VPS45: variants seen among roughly 807,000 people sequenced by gnomAD.
VPS45 encodes vacuolar protein sorting 45 homolog.
In VPS45, 35 loss-of-function variants were observed where a neutral mutation model predicts 75.9. The ratio of observed to expected loss-of-function variants is 0.46; its 90% CI spans 0.35 to 0.61. The LOEUF is 0.61. VPS45 is among the 20% of genes least tolerant of loss of function. The pLI, the probability that VPS45 is intolerant of heterozygous loss-of-function variation, is 0.00. For missense variants in VPS45, 559 were observed against 685.9 expected, an observed-to-expected ratio of 0.81 and a Z score of 2.07; for synonymous variants, 220 against 238.2, an observed-to-expected ratio of 0.92 and a Z score of 0.70.
intron 14 of VPS45, among the ~76,000 whole-genome samples, chr1:150,140,595 C>G (rs1266673805): frequency 6.6e-6 from 1 of 151,326 alleles, no homozygotes; most frequent in African/African-American, 2.4e-5. Flanking sequence ...TTTTTACTTT[C>G]TTCATTGCTG....
At chr1:150,102,167 G>A (rs999407438) in intron 13 of VPS45, among the ~76,000 whole-genome samples, 2 of 151,042 alleles carry the variant, frequency 1.3e-5, no homozygotes, top group African/African-American at 4.9e-5. Flanking sequence ...GAACCCGGGA[G>A]GTGGAGATTG....
At chr1:150,098,995 A>T in intron 13 of VPS45, 1 of 1,114,836 alleles carries the variant, frequency 9.0e-7, no homozygotes, top group Non-Finnish European at 1.1e-6. Flanking sequence ...TTGTTGCTAC[A>T]GCTTATTTTT....
chr1:150,100,685 T>G (rs1656930828), intron 13 of VPS45, among the ~76,000 whole-genome samples: 1 of 152,184 alleles, frequency 6.6e-6, no homozygotes, highest in African/African-American at 2.4e-5. Flanking sequence ...GCCTCACATC[T>G]ATGACCATCT....
rs1553807017 is a variant in VPS45 at position 150,110,617 on chromosome 1, A to C, written c.1615A>C (p.Asn539His). 1 of 1,609,630 alleles carries C rather than the reference A, an allele frequency of 6.2e-7. No individual in the cohort carries two copies. The highest frequency in any genetic ancestry group is 8.5e-7 in the Non-Finnish European group (1 of 1,177,652). ...RIVLGGTTVH[N>H]TKSFLEEVLA... Reference sequence around the variant, plus strand: ...TGTCCTGGGAGGCACCACAGTGCACAACACGAAAAGGTAAAAGAGAACATT... The same window carrying C: ...TGTCCTGGGAGGCACCACAGTGCACCACACGAAAAGGTAAAAGAGAACATT... Residue 539 changes from asparagine to histidine, a missense_variant, in exon 14 of 15, where the codon AAC (asparagine) becomes CAC (histidine). Asn to His is a moderately conservative substitution (Grantham distance 68, BLOSUM62 1). Coordinates refer to ENST00000644510, the MANE Select transcript of VPS45 (RefSeq NM_007259.5).
chr1:150,114,334 C>T (rs1252112174), intron 14 of VPS45, among the ~76,000 whole-genome samples: 6 of 151,848 alleles, frequency 4.0e-5, no homozygotes, highest in East Asian at 2.0e-4. Context: ...ATTAGCCAGG[C>T]GTGGTGGCAC....
At chr1:150,125,293 CT>C (rs1294138646) in intron 14 of VPS45, among the ~76,000 whole-genome samples, 1 of 148 alleles carries the variant, frequency 6.8e-3, no homozygotes, top group Non-Finnish European at 0.011. Context: ...CATTCAAAAT[CT>C]TCTTTTTTCT....
rs1462479991 is a variant in VPS45 at position 150,092,854 on chromosome 1, T to TTTC, written c.1371+447_1371+448insCTT. Among the ~76,000 whole-genome samples the TTTC allele has an allele frequency of 2.1e-5, 3 of 143,408 alleles. No homozygotes were observed. The East Asian group carries it at 6.0e-4, about 29-fold the overall frequency. 94.1% of individuals were successfully genotyped at this position (143,408 alleles called of 152,430 possible). Reference sequence around the variant, plus strand: ...TAGCCTTTCTTTTTTTTTTTTTTTTTTTTTTGAGACGGAGTCTCGCTCTGT... The same window carrying TTTC: ...TAGCCTTTCTTTTTTTTTTTTTTTTTTTCTTTTTGAGACGGAGTCTCGCTCTGT... On this transcript the variant is annotated intron_variant, in intron 12 of 14. Transcript: ENST00000644510.
At chr1:150,070,205 A>G (rs1316306012) in intron 2 of VPS45, among the ~76,000 whole-genome samples, 1 of 152,092 alleles carries the variant, frequency 6.6e-6, no homozygotes, top group African/African-American at 2.4e-5. Context: ...TTGAACTTTT[A>G]TATGGTTTAT....
At chr1:150,096,152 A>G (rs1559917827) in intron 13 of VPS45, among the ~76,000 whole-genome samples, 1 of 152,212 alleles carries the variant, frequency 6.6e-6, no homozygotes, top group Non-Finnish European at 1.5e-5. Flanking sequence ...TGTCTATTAG[A>G]TAACAAGTAG....
chr1:150,125,844 C>T (rs1411456908), intron 14 of VPS45, among the ~76,000 whole-genome samples: 1 of 151,760 alleles, frequency 6.6e-6, no homozygotes, highest in East Asian at 1.9e-4. Context: ...CCTGCCACCA[C>T]TCCCAGCTAA....
At chr1:150,101,433 T>A (rs1553804275) in intron 13 of VPS45, among the ~76,000 whole-genome samples, 1 of 152,094 alleles carries the variant, frequency 6.6e-6, no homozygotes, top group East Asian at 1.9e-4. Flanking sequence ...AGAATGGCTA[T>A]TACTAAAAAG....
intron 4 of VPS45, 165 bp from the exon 5 acceptor site, chr1:150,076,751 C>G (rs1464718660): frequency 3.1e-6 from 2 of 655,456 alleles, no homozygotes; most frequent in Non-Finnish European, 5.2e-6. Flanking sequence ...TTTTAATTCT[C>G]CCACGTTGAC....
intron 14 of VPS45, among the ~76,000 whole-genome samples, chr1:150,137,371 G>T (rs1313421587): frequency 6.6e-6 from 1 of 152,132 alleles, no homozygotes; most frequent in Non-Finnish European, 1.5e-5. Context: ...TTATACTAAG[G>T]ATGAAGAAAG....
chr1:150,106,991 CT>C (rs1453303718), intron 13 of VPS45, among the ~76,000 whole-genome samples: 1 of 152,198 alleles, frequency 6.6e-6, no homozygotes, highest in Non-Finnish European at 1.5e-5. Flanking sequence ...TTCTTTTCTT[CT>C]TGAGACTCAG....
chr1:150,135,899 A>C (rs1659055669), intron 14 of VPS45, among the ~76,000 whole-genome samples: 1 of 151,386 alleles, frequency 6.6e-6, no homozygotes, highest in Non-Finnish European at 1.5e-5. Flanking sequence ...TCAGCCTCCC[A>C]AAGTGCTGGG....
At chr1:150,081,219 C>A in intron 7 of VPS45, 123 bp from the exon 8 acceptor site, 1 of 969,922 alleles carries the variant, frequency 1.0e-6, no homozygotes, top group Non-Finnish European at 1.5e-6. Flanking sequence ...TAAAATTTAA[C>A]TCGAGAATCT....
rs782759963 is a variant in VPS45, at chr1:150,081,470, T to C, written c.816T>C (p.Tyr272=). The change falls in exon 8 of 15, where the codon TAT becomes TAC. Residue 272 remains tyrosine (Y), a synonymous_variant. Transcript: ENST00000644510. ...VVLSAENDEF[Y]ANNMYLNFAE... ...TATCTGCTGAAAATGATGAATTCTA[T>C]GCTAATGTAGGTGGTTTAAATTTTT... is the stretch of plus-strand genomic sequence containing the variant. The C allele has an allele frequency of 5.6e-6, 9 of 1,599,792 alleles. No homozygotes were observed. The highest frequency in any genetic ancestry group is 7.6e-6 in the Non-Finnish European group (9 of 1,176,712).
intron 2 of VPS45, among the ~76,000 whole-genome samples, chr1:150,070,053 A>G (rs1553796738): frequency 6.6e-6 from 1 of 152,088 alleles, no homozygotes; most frequent in Non-Finnish European, 1.5e-5. Context: ...CCGTCATGCC[A>G]CGGGACGTTT....
At position 150,092,417 on chromosome 1, in the gene VPS45, C is replaced by T. The variant is rs1477458555; in HGVS notation, c.1371+8C>T. ...TTCCTCAAAGGACTGAAGGTATAGA[C>T]ATCTCCTCTATGCTCTCCTGAGTGA... On this transcript the variant is annotated splice_region_variant and intron_variant, in intron 12 of 14. Coordinates refer to ENST00000644510, the MANE Select transcript of VPS45 (RefSeq NM_007259.5). The T allele has an allele frequency of 1.9e-6, 3 of 1,611,106 alleles. No homozygotes were observed. The African/African-American group carries it at 4.0e-5, about 22-fold the overall frequency.
Sources: allele counts gnomAD v4.1 joint callset (sites outside exome capture counted in the v4.1 genomes callset), GRCh38; gene constraint gnomAD v4.1.1; transcripts MANE v1.5; gene names NCBI Gene and HGNC (gene_info 2026-07-23, HGNC 2026-07-21).